Variants in SHB observed in about 807,000 individuals in gnomAD.
SHB encodes the protein SH2 domain containing adaptor protein B, also known as SH2 domain-containing adapter protein B.
SHB carries 20 observed loss-of-function variants against 52.3 expected under a neutral mutation model. That is an observed-to-expected ratio of 0.38 (90% CI 0.27 to 0.56). SHB has a LOEUF of 0.56. Ranked by LOEUF, SHB falls within the 20% of genes least tolerant of loss-of-function variation. SHB has a pLI of 0.71. For synonymous variants in SHB, 397 were observed against 316.5 expected, an observed-to-expected ratio of 1.25 and a Z score of -2.70; for missense variants, 825 against 723.3, an observed-to-expected ratio of 1.14 and a Z score of -1.61.
rs185396399 is a variant in SHB, at chr9:37,949,695, T to C, written c.1227-941A>G. 3.6e-4 allele frequency among the ~76,000 whole-genome samples: 55 copies of C among 152,252 alleles called. 1 individual carries two copies. The East Asian group carries it at 9.1e-3, about 25-fold the overall frequency. ...CATGGAAACCATCAGAGGGTGCTGATGGGAGGGCCACGCTCTGACTCAGGG... is the reference window on the plus strand; with the variant it reads ...CATGGAAACCATCAGAGGGTGCTGACGGGAGGGCCACGCTCTGACTCAGGG... On this transcript the variant is annotated intron_variant, in intron 4 of 5. Transcript: ENST00000377707.
At chr9:38,061,442 A>G (rs1821891164) in intron 1 of SHB, among the ~76,000 whole-genome samples, 1 of 152,138 alleles carries the variant, frequency 6.6e-6, no homozygotes, top group Non-Finnish European at 1.5e-5. Context: ...CACACGTCCC[A>G]GTTTATTTTC....
intron 3 of SHB, among the ~76,000 whole-genome samples, chr9:37,970,487 C>T (rs1820578436): frequency 6.6e-6 from 1 of 151,946 alleles, no homozygotes; most frequent in African/African-American, 2.4e-5. Flanking sequence ...AAGGGCGCCC[C>T]GGTGGAGAAT....
At chr9:38,055,464 G>C (rs1259903076) in intron 1 of SHB, among the ~76,000 whole-genome samples, 1 of 152,114 alleles carries the variant, frequency 6.6e-6, no homozygotes, top group Non-Finnish European at 1.5e-5. Context: ...GGAAGAACCT[G>C]GTGACCTGAA....
intron 5 of SHB, among the ~76,000 whole-genome samples, chr9:37,946,755 C>T (rs1292850004): frequency 6.6e-6 from 1 of 152,166 alleles, no homozygotes; most frequent in African/African-American, 2.4e-5. Context: ...CCAGGCCAGG[C>T]CCCCAGCCAC....
At chr9:38,008,832 AC>A (rs1265866265) in intron 2 of SHB, among the ~76,000 whole-genome samples, 1 of 152,188 alleles carries the variant, frequency 6.6e-6, no homozygotes, top group Non-Finnish European at 1.5e-5. Context: ...AGGCAGCAGG[AC>A]AGAAGGAAGT....
intron 2 of SHB, among the ~76,000 whole-genome samples, chr9:38,013,430 C>A (rs1006303915): frequency 2.0e-5 from 3 of 151,878 alleles, no homozygotes; most frequent in African/African-American, 7.3e-5. Flanking sequence ...AGTGAGACCC[C>A]GTCTCTACTA....
intron 5 of SHB, among the ~76,000 whole-genome samples, chr9:37,929,234 G>A (rs1832285686): frequency 1.3e-5 from 2 of 152,222 alleles, no homozygotes; most frequent in South Asian, 2.1e-4. Context: ...AGCAAGGCTC[G>A]CCAGGTGCGG....
intron 5 of SHB, among the ~76,000 whole-genome samples, chr9:37,938,302 C>A (rs1587200656): frequency 6.6e-6 from 1 of 152,292 alleles, no homozygotes; most frequent in East Asian, 1.9e-4. Flanking sequence ...GGCTCCTGAT[C>A]ACAGCCTTCC....
chr9:38,040,249 C>G (rs905176025), intron 1 of SHB, among the ~76,000 whole-genome samples: 3 of 152,190 alleles, frequency 2.0e-5, no homozygotes, highest in Admixed American at 1.3e-4. Flanking sequence ...GCCTCGACTG[C>G]GCCACTGGCT....
At chr9:38,032,796 G>A (rs543553968) in intron 1 of SHB, among the ~76,000 whole-genome samples, 53 of 152,348 alleles carry the variant, frequency 3.5e-4, no homozygotes, top group Admixed American at 9.1e-4. Flanking sequence ...GAGCACCAGC[G>A]TTGTTTTGAA....
chr9:37,978,793 A>C (rs1455931526), intron 2 of SHB, among the ~76,000 whole-genome samples: 1 of 152,246 alleles, frequency 6.6e-6, no homozygotes, highest in Non-Finnish European at 1.5e-5. Context: ...GTAGAGGAGA[A>C]GGGATTATCG....
intron 2 of SHB, 111 bp from the exon 3 acceptor site, chr9:37,974,948 G>C: frequency 1.2e-6 from 1 of 866,306 alleles, no homozygotes; most frequent in Non-Finnish European, 1.9e-6. Flanking sequence ...AGGTGAGAAC[G>C]ACAGAGAGAC....
chr9:37,965,916 GGTT>G (rs905602413), intron 3 of SHB, among the ~76,000 whole-genome samples: 1 of 152,132 alleles, frequency 6.6e-6, no homozygotes, highest in African/African-American at 2.4e-5. Context: ...TGGTTACTGT[GGTT>G]GTTTTTGAGA....
chr9:37,965,470 G>A (rs1832738737), intron 3 of SHB, among the ~76,000 whole-genome samples: 1 of 152,162 alleles, frequency 6.6e-6, no homozygotes, highest in Non-Finnish European at 1.5e-5. Flanking sequence ...AGAAAGACAT[G>A]AAAACACACC....
At chr9:38,031,916 G>A (rs1055913188) in intron 1 of SHB, among the ~76,000 whole-genome samples, 3 of 152,176 alleles carry the variant, frequency 2.0e-5, no homozygotes, top group Non-Finnish European at 2.9e-5. Flanking sequence ...AGTAAATCAA[G>A]GGGAGGCAGG....
intron 4 of SHB, among the ~76,000 whole-genome samples, chr9:37,952,783 G>A (rs575054076): frequency 1.1e-4 from 16 of 152,214 alleles, no homozygotes; most frequent in Admixed American, 4.6e-4. Flanking sequence ...ATGTGACACC[G>A]TTTATGGAGG....
chr9:38,005,196 GC>G (rs1821063618), intron 2 of SHB, among the ~76,000 whole-genome samples: 1 of 152,224 alleles, frequency 6.6e-6, no homozygotes, highest in African/African-American at 2.4e-5. Context: ...GAAAAGAGAG[GC>G]CCAAAAGTTG....
Position 37,919,818 on chromosome 9 carries a change from C to G in SHB, c.*3G>C. 1 of 1,612,322 alleles carries G rather than the reference C, an allele frequency of 6.2e-7. No individual in the cohort carries two copies. The highest frequency in any genetic ancestry group is 1.1e-5 in the South Asian group (1 of 90,992). On this transcript the variant is annotated 3_prime_UTR_variant, in exon 6 of 6. Coordinates refer to ENST00000377707, the MANE Select transcript of SHB (RefSeq NM_003028.3). ...GTCACAGAGCAGGGCAGGTCTGGTCCGCTCACAGGGTCCTCACAGCCACGG... is the reference window on the plus strand; with the variant it reads ...GTCACAGAGCAGGGCAGGTCTGGTCGGCTCACAGGGTCCTCACAGCCACGG...
chr9:37,964,455 A>T (rs1225355173), intron 3 of SHB, among the ~76,000 whole-genome samples: 4 of 152,184 alleles, frequency 2.6e-5, no homozygotes, highest in Admixed American at 2.0e-4. Flanking sequence ...CCACCCTAAG[A>T]TCTGATGCTT....
Sources: allele counts gnomAD v4.1 joint callset (sites outside exome capture counted in the v4.1 genomes callset), GRCh38; gene constraint gnomAD v4.1.1; transcripts MANE v1.5; gene names NCBI Gene and HGNC (gene_info 2026-07-23, HGNC 2026-07-21).